Variants in MARCHF11 observed in about 807,000 individuals in gnomAD.
The protein encoded by MARCHF11 is E3 ubiquitin-protein ligase MARCHF11.
MARCHF11 carries 29 observed loss-of-function variants against 37.3 expected under a neutral mutation model. That is an observed-to-expected ratio of 0.78 (90% confidence interval 0.58 to 1.06). The LOEUF (loss-of-function observed/expected upper bound fraction) is 1.06. Among genes scored for constraint, MARCHF11 ranks in the 50% least tolerant of loss-of-function variants. The pLI is 0.00. For missense variants in MARCHF11, 482 were observed against 533.4 expected (o/e 0.90, Z 0.95); for synonymous variants, 233 against 228.0 (o/e 1.02, Z -0.20).
chr5:16,135,012 A>T (rs1427608353), intron 2 of MARCHF11, among the ~76,000 whole-genome samples: 1 of 150,244 alleles, frequency 6.7e-6, no homozygotes, highest in African/African-American at 2.5e-5. Flanking sequence ...ACACACACAC[A>T]CACACACACA....
At chr5:16,119,057 G>A (rs961566156) in intron 2 of MARCHF11, among the ~76,000 whole-genome samples, 1 of 152,104 alleles carries the variant, frequency 6.6e-6, no homozygotes, top group East Asian at 1.9e-4. Flanking sequence ...AATAGCGAGA[G>A]ACACTTAAGA....
At chr5:16,135,441 G>C (rs1156576322) in intron 2 of MARCHF11, among the ~76,000 whole-genome samples, 2 of 152,098 alleles carry the variant, frequency 1.3e-5, no homozygotes, top group African/African-American at 4.8e-5. Flanking sequence ...AAACAAAATT[G>C]AATAATTAAA....
At chr5:16,176,759 TAAAAAC>T (rs2126613133) in intron 2 of MARCHF11, among the ~76,000 whole-genome samples, 2 of 152,300 alleles carry the variant, frequency 1.3e-5, no homozygotes, top group African/African-American at 4.8e-5. Flanking sequence ...CATTGCTGAA[TAAAAAC>T]TAAATTGGGT....
chr5:16,164,487 C>T (rs1738138000), intron 2 of MARCHF11, among the ~76,000 whole-genome samples: 1 of 151,956 alleles, frequency 6.6e-6, no homozygotes, highest in African/African-American at 2.4e-5. Context: ...AGTCTCTTAC[C>T]CAAAACACTT....
intron 2 of MARCHF11, among the ~76,000 whole-genome samples, chr5:16,105,082 C>T (rs540236971): frequency 4.6e-5 from 7 of 152,224 alleles, no homozygotes; most frequent in South Asian, 2.1e-4. Context: ...GGCTTCTAGA[C>T]GAAGTCTGAT....
intron 3 of MARCHF11, among the ~76,000 whole-genome samples, chr5:16,088,702 TG>T (rs1736740708): frequency 2.0e-5 from 3 of 152,264 alleles, no homozygotes; most frequent in Middle Eastern, 6.8e-3. Context: ...GACTAATTAG[TG>T]AAACTGCCAA....
Position 16,162,038 on chromosome 5 carries a change from G to T in MARCHF11, c.693+15688C>A, listed in dbSNP as rs553228991. Among the ~76,000 whole-genome samples the T allele has an allele frequency of 2.0e-5, 3 of 152,052 alleles. No individual in the cohort carries two copies. In the South Asian group the frequency reaches 6.2e-4, roughly 32 times the overall value. On this transcript the variant is annotated intron_variant, in intron 2 of 3. Transcript: ENST00000332432. ...AAAATCGATATTAAAAATAATTATA[G>T]TCCAGGTAGACGCAATTTATCATAT... is the stretch of plus-strand genomic sequence containing the variant.
chr5:16,101,091 T>G (rs966820926), intron 2 of MARCHF11, among the ~76,000 whole-genome samples: 1 of 152,170 alleles, frequency 6.6e-6, no homozygotes, highest in Non-Finnish European at 1.5e-5. Context: ...AAAAGAATAT[T>G]TATTCCTTCA....
chr5:16,179,516 G>T lies in MARCHF11; in HGVS notation c.60C>A (p.Ala20=). The part of the protein sequence containing the change: ...SRCRGAESGD[A]EPPPQPPPPP... ...GCGGGGGAGGTTGCGGGGGAGGCTC[G>T]GCGTCCCCGCTCTCCGCCCCGCGAC... Residue 20 remains alanine, a synonymous_variant, in exon 1 of 4, where the codon GCC becomes GCA. Coordinates refer to ENST00000332432, the MANE Select transcript of MARCHF11 (RefSeq NM_001102562.3). 8.5e-7 allele frequency: 1 copy of T among 1,176,190 alleles called. No individual in the cohort carries two copies. The highest frequency in any genetic ancestry group is 1.0e-6 in the Non-Finnish European group (1 of 952,598). The allele number at this position is 1,176,190 out of a possible 1,614,324, so 72.9% of individuals were successfully genotyped here. A position where few individuals can be genotyped will look rare whatever the true frequency, so the allele number is the denominator to read the frequency against.
intron 2 of MARCHF11, among the ~76,000 whole-genome samples, chr5:16,111,002 C>A (rs765772203): frequency 6.6e-6 from 1 of 152,226 alleles, no homozygotes; most frequent in East Asian, 1.9e-4. Context: ...ACTTGGTTCT[C>A]ATTCTGTCTC....
At chr5:16,123,998 C>A (rs1200095967) in intron 2 of MARCHF11, among the ~76,000 whole-genome samples, 1 of 151,814 alleles carries the variant, frequency 6.6e-6, no homozygotes. Flanking sequence ...CAAAAAAAAA[C>A]AAGAATTGCA....
intron 2 of MARCHF11, among the ~76,000 whole-genome samples, chr5:16,156,140 C>T (rs1037736107): frequency 1.3e-5 from 2 of 151,874 alleles, no homozygotes; most frequent in African/African-American, 2.4e-5. Context: ...GTACTGAGTT[C>T]TGAATGTATT....
intron 2 of MARCHF11, among the ~76,000 whole-genome samples, chr5:16,131,155 A>G (rs762499589): frequency 2.6e-5 from 4 of 152,252 alleles, no homozygotes; most frequent in Non-Finnish European, 5.9e-5. Context: ...GTAATTCCTT[A>G]AACAAGTTCA....
At chr5:16,099,505 A>T (rs1186451459) in intron 2 of MARCHF11, among the ~76,000 whole-genome samples, 1 of 152,108 alleles carries the variant, frequency 6.6e-6, no homozygotes, top group African/African-American at 2.4e-5. Context: ...GGCTAAAAAG[A>T]CTCACCATTG....
chr5:16,085,204 AT>A (rs937132073), intron 3 of MARCHF11, among the ~76,000 whole-genome samples: 3,967 of 149,124 alleles, frequency 0.027, 144 homozygotes, highest in African/African-American at 0.088. Flanking sequence ...ATTATAATAG[AT>A]TTTTTTTTTT....
At chr5:16,143,945 C>T (rs888802440) in intron 2 of MARCHF11, among the ~76,000 whole-genome samples, 1 of 152,150 alleles carries the variant, frequency 6.6e-6, no homozygotes, top group Admixed American at 6.5e-5. Context: ...CCCACAGGTC[C>T]AGCAGTCCCT....
Position 16,067,441 on chromosome 5 carries a change from T to G in MARCHF11, c.*30A>C. The G allele has an allele frequency of 6.3e-7, 1 of 1,591,260 alleles. No homozygotes were observed. The highest frequency in any genetic ancestry group is 8.6e-7 in the Non-Finnish European group (1 of 1,162,658). On this transcript the variant is annotated 3_prime_UTR_variant, in exon 4 of 4. Transcript: ENST00000332432. ...CAATTACATTGCAAAATGTGCAGGG[T>G]GGTCCACACTGCATCATCTTATGCT...
chr5:16,135,805 T>G (rs1454069867), intron 2 of MARCHF11, among the ~76,000 whole-genome samples: 1 of 134,554 alleles, frequency 7.4e-6, no homozygotes, highest in Admixed American at 8.4e-5. Flanking sequence ...CTCTCCTCAA[T>G]GCAAAGATGT....
rs1018589046 is a variant in MARCHF11, at chr5:16,125,637, G to C, written c.694-34556C>G. 4.5e-3 allele frequency among the ~76,000 whole-genome samples: 631 copies of C among 139,534 alleles called. 6 individuals are homozygous for C. The highest frequency in any genetic ancestry group is 0.017 in the African/African-American group (515 of 30,756). The allele number at this position is 139,534 out of a possible 152,430, so 91.5% of individuals were successfully genotyped here. A position where few individuals can be genotyped will look rare whatever the true frequency, so the allele number is the denominator to read the frequency against. ...ACACTCTCTGTGTGTGTGTGTGTGT[G>C]TGTGTGTGTGTGTGTGTGTGTGTGT... On this transcript the variant is annotated intron_variant, in intron 2 of 3. Coordinates refer to ENST00000332432, the MANE Select transcript of MARCHF11 (RefSeq NM_001102562.3).
Sources: allele counts gnomAD v4.1 joint callset (sites outside exome capture counted in the v4.1 genomes callset), GRCh38; gene constraint gnomAD v4.1.1; transcripts MANE v1.5; gene names NCBI Gene and HGNC (gene_info 2026-07-23, HGNC 2026-07-21).